PADI2: variants seen among roughly 807,000 people sequenced by gnomAD.
The protein encoded by PADI2 is protein-arginine deiminase type-2.
PADI2 carries 70 observed loss-of-function variants against 81.1 expected under a neutral mutation model. The ratio of observed to expected loss-of-function variants is 0.86; its 90% CI spans 0.71 to 1.05. The LOEUF is 1.05. Ranked by LOEUF, PADI2 falls within the 50% of genes least tolerant of loss-of-function variation. The pLI is 0.00. For missense variants in PADI2, 853 were observed against 889.9 expected, an observed-to-expected ratio of 0.96 and a Z score of 0.53; for synonymous variants, 338 against 358.0, an observed-to-expected ratio of 0.94 and a Z score of 0.63.
rs1553183546 is a variant in PADI2 at position 17,102,752 on chromosome 1, G to GGGA, written c.349+234_349+235insTCC. ...GCCTGGGAAGGGGACCTTGACACTTGGGGGGGGGTTGCTGATGGATCAGGG... is the reference window on the plus strand; with the variant it reads ...GCCTGGGAAGGGGACCTTGACACTTGGGAGGGGGGGGTTGCTGATGGATCAGGG... On this transcript the variant is annotated intron_variant, in intron 3 of 15. Transcript: ENST00000375486. Among the ~76,000 whole-genome samples, 112 of 27,830 alleles carry GGGA rather than the reference G, an allele frequency of 4.0e-3. 1 individual carries two copies. The highest frequency in any genetic ancestry group is 2.3e-3 in the Non-Finnish European group (23 of 10,044). The allele number at this position is 27,830 out of a possible 152,430, so 18.3% of individuals were successfully genotyped here.
chr1:17,098,350 C>A (rs2235914), intron 3 of PADI2, among the ~76,000 whole-genome samples: 1 of 152,018 alleles, frequency 6.6e-6, no homozygotes, highest in Non-Finnish European at 1.5e-5. Flanking sequence ...CTCCTTGTGG[C>A]GAGTCCATTA....
In PADI2 at chr1:17,083,847, TG is replaced by T; in HGVS notation, c.939-11del. On this transcript the variant is annotated splice_polypyrimidine_tract_variant and intron_variant, in intron 8 of 15. Transcript: ENST00000375486. ...GTAATTATCCTTCATGCTGAGAAGT[TG>T]GGGGAAGAAGGAGAGGCCAGGAGAA... 1 of 1,561,644 alleles carries T rather than the reference TG, an allele frequency of 6.4e-7. No individual in the cohort carries two copies. The highest frequency in any genetic ancestry group is 1.1e-5 in the South Asian group (1 of 89,950).
intron 3 of PADI2, 31 bp from the exon 4 acceptor site, chr1:17,096,001 A>G (rs1930913464): frequency 2.5e-6 from 4 of 1,581,686 alleles, no homozygotes; most frequent in East Asian, 4.5e-5. Context: ...TGAGTTGCTG[A>G]GCCTGCCAGG....
intron 13 of PADI2, among the ~76,000 whole-genome samples, chr1:17,074,654 A>G (rs1005291532): frequency 1.3e-5 from 2 of 152,250 alleles, no homozygotes; most frequent in African/African-American, 4.8e-5. Flanking sequence ...GGCAGCTCAC[A>G]GTCCACCCAG....
At chr1:17,069,379 G>T in intron 15 of PADI2, 102 bp from the exon 16 acceptor site, 1 of 848,708 alleles carries the variant, frequency 1.2e-6, no homozygotes, top group East Asian at 2.6e-5. Flanking sequence ...ACCCTGTGAA[G>T]TAGTAACTGT....
chr1:17,072,107 T>C (rs1216127107), intron 13 of PADI2, among the ~76,000 whole-genome samples: 5 of 152,240 alleles, frequency 3.3e-5, no homozygotes, highest in Non-Finnish European at 5.9e-5. Flanking sequence ...ATGAGGAAAC[T>C]GAGGCACAGA....
At chr1:17,116,337 G>A (rs937673216) in intron 1 of PADI2, among the ~76,000 whole-genome samples, 4 of 152,194 alleles carry the variant, frequency 2.6e-5, no homozygotes, top group South Asian at 2.1e-4. Context: ...TGCTGAGGCC[G>A]TTTCGCTCAC....
intron 10 of PADI2, among the ~76,000 whole-genome samples, chr1:17,080,921 C>T (rs2647189): frequency 0.56 from 84,484 of 152,048 alleles, 23,692 homozygotes; most frequent in Non-Finnish European, 0.59. Flanking sequence ...TGGCAGCAGC[C>T]TAGTGCTTTC....
intron 1 of PADI2, among the ~76,000 whole-genome samples, chr1:17,105,586 G>A (rs1447028034): frequency 6.6e-6 from 1 of 152,106 alleles, no homozygotes; most frequent in East Asian, 1.9e-4. Context: ...TAGAGATGGG[G>A]TTTCTCCATG....
At chr1:17,084,948 G>A (rs977866614) in intron 7 of PADI2, among the ~76,000 whole-genome samples, 18 of 152,320 alleles carry the variant, frequency 1.2e-4, no homozygotes, top group Admixed American at 2.6e-4. Flanking sequence ...GCTGTTAACC[G>A]CCCAAGGTCA....
rs956448633 is a variant in PADI2 at position 17,115,093 on chromosome 1, G to A, written c.92+4187C>T. Among the ~76,000 whole-genome samples, 2 of 152,248 alleles carry A rather than the reference G, an allele frequency of 1.3e-5. No individual in the cohort carries two copies. Among genetic ancestry groups the A allele is most frequent in the African/African-American group, 4.8e-5 (2 of 41,460 alleles). ...TAGCCTTCACACCAACCAAGAGACA[G>A]AAAGTCTGGGAGTGAGTTTGTGCCA... On this transcript the variant is annotated intron_variant, in intron 1 of 15. Coordinates refer to ENST00000375486, the MANE Select transcript of PADI2 (RefSeq NM_007365.3). This position sits in a 1 kb window ranked among gnomAD's most constrained non-coding sequence, Gnocchi z 4.1.
chr1:17,111,429 C>G (rs1931577395), intron 1 of PADI2, among the ~76,000 whole-genome samples: 1 of 152,068 alleles, frequency 6.6e-6, no homozygotes, highest in South Asian at 2.1e-4. Context: ...TACATGATTA[C>G]AGCTGTGATA....
chr1:17,080,479 C>T (rs1044113783), intron 10 of PADI2, among the ~76,000 whole-genome samples: 1 of 152,182 alleles, frequency 6.6e-6, no homozygotes, highest in Non-Finnish European at 1.5e-5. Flanking sequence ...GAGTGGCAGA[C>T]CACCAGCAGC....
chr1:17,073,249 CTACTAAAAA>C (rs1275016233), intron 13 of PADI2, among the ~76,000 whole-genome samples: 4 of 152,070 alleles, frequency 2.6e-5, no homozygotes, highest in Non-Finnish European at 5.9e-5. Flanking sequence ...AACCCCACCT[CTACTAAAAA>C]TACAAAAAAT....
At chr1:17,071,023 C>A (rs2078261126) in intron 14 of PADI2, among the ~76,000 whole-genome samples, 1 of 152,104 alleles carries the variant, frequency 6.6e-6, no homozygotes, top group South Asian at 2.1e-4. Context: ...AGGCTGGTCT[C>A]AAGCCCCTGG....
intron 3 of PADI2, among the ~76,000 whole-genome samples, chr1:17,099,981 T>C (rs1931083351): frequency 6.6e-6 from 1 of 151,616 alleles, no homozygotes; most frequent in Non-Finnish European, 1.5e-5. Context: ...AGGACCAGGG[T>C]GAGAGAGATT....
At position 17,119,354 on chromosome 1, in the gene PADI2, G is replaced by T. The variant is rs540034352; in HGVS notation, c.18C>A (p.Thr6=). Residue 6 remains threonine, a synonymous_variant, in exon 1 of 16, where the codon ACC becomes ACA. Coordinates refer to ENST00000375486, the MANE Select transcript of PADI2 (RefSeq NM_007365.3). The surrounding 1 kb of genome is among the most constrained non-coding windows in gnomAD (Gnocchi z 4.8). MLRER[T]VRLQYGSRVE... ...CGCGGCTCCCGTACTGCAGCCGCAC[G>T]GTCCGCTCGCGCAGCATCCTCCCCG... 3 of 1,539,812 alleles carry T rather than the reference G, an allele frequency of 1.9e-6. No individual in the cohort carries two copies. In the African/African-American group the frequency reaches 4.2e-5, roughly 22 times the overall value.
intron 1 of PADI2, among the ~76,000 whole-genome samples, chr1:17,111,082 C>T (rs1204205679): frequency 2.1e-5 from 2 of 93,914 alleles, no homozygotes; most frequent in East Asian, 2.8e-4. Flanking sequence ...AAAGACAGAC[C>T]TTTTTTTTTT....
intron 6 of PADI2, among the ~76,000 whole-genome samples, chr1:17,091,015 T>G (rs1930671554): frequency 6.6e-6 from 1 of 151,946 alleles, no homozygotes; most frequent in African/African-American, 2.4e-5. Flanking sequence ...AACCCTGGCC[T>G]GGATGGTGTC....
Sources: gnomAD v4.1 joint callset for allele counts (sites outside exome capture counted in the v4.1 genomes callset) on GRCh38, gnomAD v4.1.1 for gene constraint, Gnocchi (gnomAD v3.1) non-coding constraint, MANE v1.5 for transcripts, NCBI Gene and HGNC (gene_info 2026-07-23, HGNC 2026-07-21) for gene names.